Variants in KCNIP4 observed in about 807,000 individuals in gnomAD.
KCNIP4 encodes Kv channel-interacting protein 4.
Under a neutral mutation model 34.0 loss-of-function variants are expected in KCNIP4, and 12 were observed. That is an observed-to-expected ratio of 0.35 (90% CI 0.23 to 0.57). The LOEUF (loss-of-function observed/expected upper bound fraction) is 0.57, where lower values mean the gene tolerates loss of function less well. Ranked by LOEUF, KCNIP4 falls within the 20% of genes least tolerant of loss-of-function variation. The pLI is 0.83. For missense variants in KCNIP4, 238 were observed against 311.7 expected (o/e 0.76, Z 1.78); for synonymous variants, 124 against 102.2 (o/e 1.21, Z -1.29).
chr4:21,637,122 C>T (rs1013647450), intron 1 of KCNIP4, among the ~76,000 whole-genome samples: 6 of 152,208 alleles, frequency 3.9e-5, no homozygotes, highest in East Asian at 3.9e-4. Context: ...GACCTGTAGG[C>T]GCTGTGGAAC....
chr4:21,095,990 T>A (rs1747429948), intron 1 of KCNIP4, among the ~76,000 whole-genome samples: 1 of 152,224 alleles, frequency 6.6e-6, no homozygotes, highest in East Asian at 1.9e-4. Context: ...TCCTATTGCA[T>A]GTGGTTACAA....
chr4:21,563,008 A>T (rs1739582155), intron 1 of KCNIP4, among the ~76,000 whole-genome samples: 2 of 152,036 alleles, frequency 1.3e-5, no homozygotes, highest in Non-Finnish European at 2.9e-5. Flanking sequence ...TTTCTCATTA[A>T]TGTCAGTTAG....
At chr4:20,752,500 A>G (rs1310044965) in intron 4 of KCNIP4, 1 of 152,260 alleles carries the variant, frequency 6.6e-6, no homozygotes, top group Non-Finnish European at 1.5e-5. Context: ...TACCTTAAAC[A>G]CATGTGATCA....
intron 1 of KCNIP4, among the ~76,000 whole-genome samples, chr4:21,787,924 T>A (rs1720016232): frequency 6.6e-6 from 1 of 151,718 alleles, no homozygotes; most frequent in Admixed American, 6.6e-5. Flanking sequence ...AAATGTGCCA[T>A]GGGAAAATTC....
At chr4:21,270,925 G>A (rs192789000) in intron 1 of KCNIP4, among the ~76,000 whole-genome samples, 1 of 146,096 alleles carries the variant, frequency 6.8e-6, no homozygotes, top group Non-Finnish European at 1.5e-5. Flanking sequence ...AGCAGAAGTA[G>A]CAGTGAGCTG....
At chr4:20,993,027 CAAAAAAAAAAAA>C (rs11416440) in intron 1 of KCNIP4, among the ~76,000 whole-genome samples, 1 of 42,084 alleles carries the variant, frequency 2.4e-5, no homozygotes, top group Admixed American at 3.3e-4. Context: ...GACTCCATCT[CAAAAAAAAAAAA>C]AAAAAAAAAA....
intron 3 of KCNIP4, among the ~76,000 whole-genome samples, chr4:20,781,915 C>T (rs929344862): frequency 6.6e-6 from 1 of 152,132 alleles, no homozygotes; most frequent in African/African-American, 2.4e-5. Context: ...GTCCCTTCTG[C>T]CTATGAGCCT....
At chr4:21,020,166 T>G (rs1434176028) in intron 1 of KCNIP4, among the ~76,000 whole-genome samples, 2 of 152,200 alleles carry the variant, frequency 1.3e-5, no homozygotes, top group African/African-American at 4.8e-5. Context: ...GGACAATCTT[T>G]GAAGCACAGA....
At chr4:21,347,863 C>A (rs1321942500) in intron 1 of KCNIP4, among the ~76,000 whole-genome samples, 2 of 152,220 alleles carry the variant, frequency 1.3e-5, no homozygotes, top group East Asian at 3.9e-4. Context: ...CAAGCTATGC[C>A]ATGAGAAATT....
chr4:21,106,729 G>A (rs1287064017), intron 1 of KCNIP4, among the ~76,000 whole-genome samples: 1 of 151,206 alleles, frequency 6.6e-6, no homozygotes, highest in Admixed American at 6.6e-5. Flanking sequence ...TCTCTTGTGG[G>A]CATTTAGTGC....
intron 1 of KCNIP4, among the ~76,000 whole-genome samples, chr4:21,779,357 G>GAAGTT (rs1419202713): frequency 6.6e-6 from 1 of 151,812 alleles, no homozygotes; most frequent in East Asian, 1.9e-4. Flanking sequence ...ACTGTAGCCT[G>GAAGTT]AAGTTAAGAA....
intron 5 of KCNIP4, among the ~76,000 whole-genome samples, chr4:20,744,020 C>G (rs535626318): frequency 6.6e-6 from 1 of 152,110 alleles, no homozygotes; most frequent in Non-Finnish European, 1.5e-5. Context: ...AAATGCTCAT[C>G]ATCACTGGCC....
At chr4:21,781,798 G>T (rs1254890701) in intron 1 of KCNIP4, among the ~76,000 whole-genome samples, 1 of 151,930 alleles carries the variant, frequency 6.6e-6, no homozygotes, top group Non-Finnish European at 1.5e-5. Flanking sequence ...ATTATATGGG[G>T]TATATAAATG....
intron 1 of KCNIP4, among the ~76,000 whole-genome samples, chr4:21,145,360 G>A (rs1181474127): frequency 6.6e-6 from 1 of 152,092 alleles, no homozygotes; most frequent in Non-Finnish European, 1.5e-5. Context: ...TACGAACCTG[G>A]GACGTTTTAA....
chr4:21,471,839 G>T (rs1009644685), intron 1 of KCNIP4, among the ~76,000 whole-genome samples: 3 of 152,270 alleles, frequency 2.0e-5, no homozygotes, highest in African/African-American at 7.2e-5. Flanking sequence ...TTTGGGGTCA[G>T]AAAATACATC....
chr4:21,610,049 G>A (rs1386580822), intron 1 of KCNIP4, among the ~76,000 whole-genome samples: 1 of 152,184 alleles, frequency 6.6e-6, no homozygotes, highest in Non-Finnish European at 1.5e-5. Flanking sequence ...TGCTACCTTA[G>A]GGATACTTCT....
chr4:21,328,685 T>C (rs1468051142), intron 1 of KCNIP4, among the ~76,000 whole-genome samples: 2 of 152,200 alleles, frequency 1.3e-5, no homozygotes, highest in African/African-American at 4.8e-5. Context: ...GTTCCACTGG[T>C]CCCAGACAGG....
intron 1 of KCNIP4, among the ~76,000 whole-genome samples, chr4:20,913,620 C>T (rs1156940046): frequency 2.0e-5 from 3 of 152,120 alleles, no homozygotes; most frequent in Admixed American, 6.6e-5. Context: ...AAGGCTACTC[C>T]CAGCACTCCT....
At chr4:21,061,241 A>G (rs1357652910) in intron 1 of KCNIP4, among the ~76,000 whole-genome samples, 2 of 152,088 alleles carry the variant, frequency 1.3e-5, no homozygotes, top group African/African-American at 2.4e-5. Context: ...ATATATTCGG[A>G]GCTTTAAATA....
Sources: gnomAD v4.1 joint callset for allele counts (sites outside exome capture counted in the v4.1 genomes callset) on GRCh38, gnomAD v4.1.1 for gene constraint, MANE v1.5 for transcripts, NCBI Gene and HGNC (gene_info 2026-07-23, HGNC 2026-07-21) for gene names.